The following CACNB2 variants were observed in gnomAD, a reference collection of about 807,000 sequenced individuals.
The protein encoded by CACNB2 is voltage-dependent L-type calcium channel subunit beta-2.
Under a neutral mutation model 73.3 loss-of-function variants are expected in CACNB2, and 42 were observed. That is an observed-to-expected ratio of 0.57 (90% CI 0.45 to 0.74). The LOEUF (loss-of-function observed/expected upper bound fraction) is 0.74. Ranked by LOEUF, CACNB2 falls within the 30% of genes least tolerant of loss-of-function variation. The pLI is 0.00. For synonymous variants in CACNB2, 348 were observed against 310.3 expected, an observed-to-expected ratio of 1.12 and a Z score of -1.28; for missense variants, 940 against 853.0, an observed-to-expected ratio of 1.10 and a Z score of -1.27.
At chr10:18,254,377 G>T (rs902437976) in intron 2 of CACNB2, among the ~76,000 whole-genome samples, 6 of 152,078 alleles carry the variant, frequency 3.9e-5, no homozygotes, top group Admixed American at 3.9e-4. Flanking sequence ...GAGGTTTAGT[G>T]TGCATTCCAT....
chr10:18,202,120 A>G (rs2034907451), intron 2 of CACNB2, among the ~76,000 whole-genome samples: 1 of 152,206 alleles, frequency 6.6e-6, no homozygotes, highest in Admixed American at 6.5e-5. Context: ...AGGGAAGAGT[A>G]CATGCTTTGG....
At chr10:18,292,440 G>A (rs973415368) in intron 2 of CACNB2, among the ~76,000 whole-genome samples, 11 of 152,126 alleles carry the variant, frequency 7.2e-5, no homozygotes, top group African/African-American at 2.7e-4. Context: ...GGCAGATCAC[G>A]AGGTCAAGAG....
chr10:18,233,606 A>C (rs968487090), intron 2 of CACNB2, among the ~76,000 whole-genome samples: 1 of 152,156 alleles, frequency 6.6e-6, no homozygotes, highest in Non-Finnish European at 1.5e-5. Context: ...ATTGAAGCAA[A>C]TCACATCAGC....
intron 2 of CACNB2, among the ~76,000 whole-genome samples, chr10:18,383,311 C>T (rs576323638): frequency 2.8e-4 from 42 of 152,170 alleles, no homozygotes; most frequent in African/African-American, 8.0e-4. Flanking sequence ...AGGAATGAAA[C>T]GATCTGCTGT....
intron 2 of CACNB2, among the ~76,000 whole-genome samples, chr10:18,152,920 T>G (rs2031727760): frequency 6.6e-6 from 1 of 152,116 alleles, no homozygotes; most frequent in Non-Finnish European, 1.5e-5. Context: ...AAACGCCACG[T>G]GAAGGCAGTC....
chr10:18,504,685 C>T (rs2050392936), intron 5 of CACNB2, among the ~76,000 whole-genome samples: 1 of 151,768 alleles, frequency 6.6e-6, no homozygotes, highest in South Asian at 2.1e-4. Flanking sequence ...CGCTCTGTCA[C>T]CCAGGCTGGA....
intron 2 of CACNB2, among the ~76,000 whole-genome samples, chr10:18,328,447 A>C (rs756863723): frequency 6.6e-6 from 1 of 152,174 alleles, no homozygotes. Flanking sequence ...TGGTTTATCC[A>C]CTTAGGTATC....
chr10:18,286,298 C>G (rs1329601712), intron 2 of CACNB2, among the ~76,000 whole-genome samples: 1 of 152,012 alleles, frequency 6.6e-6, no homozygotes, highest in Non-Finnish European at 1.5e-5. Flanking sequence ...GGGCGGATCA[C>G]GAGGTCAGGA....
intron 2 of CACNB2, among the ~76,000 whole-genome samples, chr10:18,222,835 G>A (rs1429850939): frequency 6.6e-6 from 1 of 152,194 alleles, no homozygotes; most frequent in African/African-American, 2.4e-5. Flanking sequence ...TACTTGGGAG[G>A]CTGAGGCAGG....
At chr10:18,321,089 C>G (rs1025144324) in intron 2 of CACNB2, among the ~76,000 whole-genome samples, 1 of 152,160 alleles carries the variant, frequency 6.6e-6, no homozygotes, top group African/African-American at 2.4e-5. Context: ...GAAAATGTGT[C>G]TCTTAGAAAC....
chr10:18,529,371 C>G (rs949559916), intron 10 of CACNB2, among the ~76,000 whole-genome samples: 1 of 152,102 alleles, frequency 6.6e-6, no homozygotes, highest in African/African-American at 2.4e-5. Flanking sequence ...ACTGATGAAG[C>G]CCCTTCCCTC....
intron 2 of CACNB2, among the ~76,000 whole-genome samples, chr10:18,242,506 G>A (rs1193469180): frequency 6.6e-6 from 1 of 152,082 alleles, no homozygotes; most frequent in African/African-American, 2.4e-5. Context: ...ATAGTAAACT[G>A]CATTACAAGA....
chr10:18,351,347 G>A (rs946366109), intron 2 of CACNB2, among the ~76,000 whole-genome samples: 1 of 152,136 alleles, frequency 6.6e-6, no homozygotes, highest in Non-Finnish European at 1.5e-5. Context: ...CAAGAAAGAA[G>A]GTGCTTGGGG....
intron 11 of CACNB2, among the ~76,000 whole-genome samples, chr10:18,535,791 A>ATTTTAACATGTATCAGATT (rs2053515495): frequency 6.6e-6 from 1 of 151,916 alleles, no homozygotes; most frequent in Non-Finnish European, 1.5e-5. Context: ...ATATATATAT[A>ATTTTAACATGTATCAGATT]TTTTAACATG....
At chr10:18,325,310 C>T (rs1003181958) in intron 2 of CACNB2, among the ~76,000 whole-genome samples, 9 of 152,122 alleles carry the variant, frequency 5.9e-5, no homozygotes, top group African/African-American at 1.7e-4. Context: ...GTGCCTCAGC[C>T]TCTCAGGTAG....
Position 18,141,089 on chromosome 10 carries a change from G to A in CACNB2, c.120+233G>A, listed in dbSNP as rs2030334926. The A allele has an allele frequency of 5.4e-5, 84 of 1,548,796 alleles. No individual in the cohort carries two copies. In the South Asian group the frequency reaches 9.8e-4, roughly 18 times the overall value. Reference sequence around the variant, plus strand: ...GCTTCCGAAAAGCCAGTGGGGAAGGGCGGGGGAGACCTGCCAGTCCTCCCA... The same window carrying A: ...GCTTCCGAAAAGCCAGTGGGGAAGGACGGGGGAGACCTGCCAGTCCTCCCA... On this transcript the variant is annotated intron_variant, in intron 1 of 13. Transcript: ENST00000324631.
chr10:18,310,631 A>T (rs1182542200), intron 2 of CACNB2, among the ~76,000 whole-genome samples: 7 of 119,752 alleles, frequency 5.8e-5, no homozygotes, highest in East Asian at 4.5e-4. Context: ...AAAAAAAAGT[A>T]AAAAAAAAAA....
chr10:18,536,243 CTTTTTTTTTTTTTT>C (rs904187820), intron 12 of CACNB2, 47 bp downstream of exon 12: 1 of 280,942 alleles, frequency 3.6e-6, no homozygotes, highest in Non-Finnish European at 5.8e-6. Context: ...GAGATCAGAC[CTTTTTTTTTTTTTT>C]TTTTTTTTTT....
At chr10:18,235,149 A>ATT in intron 2 of CACNB2, among the ~76,000 whole-genome samples, 1 of 142,166 alleles carries the variant, frequency 7.0e-6, no homozygotes, top group East Asian at 2.2e-4. Flanking sequence ...TCTCAAAAAA[A>ATT]AAAAAAAAAA....
Sources: allele counts gnomAD v4.1 joint callset (sites outside exome capture counted in the v4.1 genomes callset), GRCh38; gene constraint gnomAD v4.1.1; transcripts MANE v1.5; gene names NCBI Gene and HGNC (gene_info 2026-07-23, HGNC 2026-07-21).